The following IGF2BP3 variants were observed in gnomAD, a reference collection of about 807,000 sequenced individuals.
IGF2BP3 encodes insulin-like growth factor 2 mRNA-binding protein 3.
In IGF2BP3, 9 loss-of-function variants were observed where a neutral mutation model predicts 73.8. The ratio of observed to expected loss-of-function variants is 0.12; its 90% CI spans 0.07 to 0.21. The LOEUF (loss-of-function observed/expected upper bound fraction) is 0.21, where lower values mean the gene tolerates loss of function less well. IGF2BP3 is among the 10% of genes least tolerant of loss of function. IGF2BP3 has a pLI of 1.00. For missense variants in IGF2BP3, 542 were observed against 714.0 expected (o/e 0.76, Z 2.75); for synonymous variants, 258 against 256.7 (o/e 1.01, Z -0.05).
At chr7:23,347,556 G>A in intron 7 of IGF2BP3, 44 bp downstream of exon 7, 1 of 1,590,128 alleles carries the variant, frequency 6.3e-7, no homozygotes, top group East Asian at 2.2e-5. Flanking sequence ...AAATACAAGA[G>A]CACAAATATC....
chr7:23,355,715 T>C (rs1724991527), intron 5 of IGF2BP3, among the ~76,000 whole-genome samples: 1 of 152,160 alleles, frequency 6.6e-6, no homozygotes, highest in African/African-American at 2.4e-5. Context: ...GGTGGATCAC[T>C]TGAGGTCAGG....
Position 23,343,723 on chromosome 7 carries a change from T to G in IGF2BP3, c.1072A>C (p.Met358Leu), listed in dbSNP as rs769464943. ...RESYENDIASMNLQAHLIPGL... is the reference protein window; with the variant it reads ...RESYENDIASLNLQAHLIPGL... ...CCCTTCATAACAAAACTAACATTCA[T>G]AGAAGCAATATCATTTTCATAAGAC... Residue 358 changes from methionine to leucine, a missense_variant, in exon 9 of 15, where the codon ATG becomes CTG. Coordinates refer to ENST00000258729, the MANE Select transcript of IGF2BP3 (RefSeq NM_006547.3). The G allele has an allele frequency of 1.2e-6, 2 of 1,610,794 alleles. No individual in the cohort carries two copies. The highest frequency in any genetic ancestry group is 1.7e-6 in the Non-Finnish European group (2 of 1,178,996).
chr7:23,437,579 C>T (rs1317718334), intron 2 of IGF2BP3, among the ~76,000 whole-genome samples: 3 of 152,102 alleles, frequency 2.0e-5, no homozygotes, highest in Admixed American at 2.0e-4. Context: ...GACAATTCTG[C>T]ACAATTCATA....
At chr7:23,376,491 C>T (rs1173831045) in intron 3 of IGF2BP3, among the ~76,000 whole-genome samples, 3 of 142,194 alleles carry the variant, frequency 2.1e-5, no homozygotes, top group Non-Finnish European at 4.5e-5. Flanking sequence ...GCCAAGATCA[C>T]ACCACTGCAC....
chr7:23,409,939 T>C (rs1786965358), intron 3 of IGF2BP3, among the ~76,000 whole-genome samples: 1 of 152,094 alleles, frequency 6.6e-6, no homozygotes, highest in Non-Finnish European at 1.5e-5. Context: ...GAGGCCAAGA[T>C]GGGTTGATCA....
chr7:23,412,913 G>A (rs1353441356), intron 3 of IGF2BP3, among the ~76,000 whole-genome samples: 2 of 126,136 alleles, frequency 1.6e-5, no homozygotes, highest in Non-Finnish European at 3.1e-5. Context: ...AGGCTGGAGT[G>A]CAGTGGTGCG....
intron 2 of IGF2BP3, among the ~76,000 whole-genome samples, chr7:23,426,113 G>C (rs927557142): frequency 5.9e-5 from 9 of 152,062 alleles, no homozygotes; most frequent in Admixed American, 4.6e-4. Context: ...GATCACCTGA[G>C]GTCAGGAGTT....
intron 3 of IGF2BP3, among the ~76,000 whole-genome samples, chr7:23,388,736 CT>C (rs1387518089): frequency 7.3e-5 from 11 of 150,690 alleles, no homozygotes; most frequent in African/African-American, 2.7e-4. Flanking sequence ...CTTTCTGCAT[CT>C]GTTGAATCTC....
intron 13 of IGF2BP3, among the ~76,000 whole-genome samples, 155 bp from the exon 14 acceptor site, chr7:23,313,003 C>T (rs1049396178): frequency 4.6e-5 from 7 of 152,216 alleles, no homozygotes; most frequent in Non-Finnish European, 7.3e-5. Flanking sequence ...ATCCCCACTT[C>T]AAGATGATTA....
intron 2 of IGF2BP3, among the ~76,000 whole-genome samples, chr7:23,440,832 C>A (rs577216139): frequency 6.6e-6 from 1 of 152,300 alleles, no homozygotes; most frequent in African/African-American, 2.4e-5. Flanking sequence ...TATACATAAA[C>A]AAATTTAAGC....
chr7:23,337,283 G>A (rs1784597974), intron 10 of IGF2BP3, among the ~76,000 whole-genome samples: 1 of 152,140 alleles, frequency 6.6e-6, no homozygotes, highest in African/African-American at 2.4e-5. Context: ...TACTCTAATT[G>A]TATCCAGGGA....
In IGF2BP3 at chr7:23,467,134, T is replaced by C. The variant is rs142623870; in HGVS notation, c.236+1348A>G. Among the ~76,000 whole-genome samples, 139 of 152,286 alleles carry C rather than the reference T, an allele frequency of 9.1e-4. 1 individual carries two copies. The Middle Eastern group carries it at 0.014, about 15-fold the overall frequency. On this transcript the variant is annotated intron_variant, in intron 2 of 14. Coordinates refer to ENST00000258729, the MANE Select transcript of IGF2BP3 (RefSeq NM_006547.3). ...AAATTCCCAACTAGAACTAAATCTA[T>C]CAGGTCACTCAAATCCCTTTCAATT...
intron 3 of IGF2BP3, among the ~76,000 whole-genome samples, chr7:23,379,930 C>T (rs1224609020): frequency 6.6e-6 from 1 of 152,170 alleles, no homozygotes; most frequent in Non-Finnish European, 1.5e-5. Flanking sequence ...AAGTCTTACA[C>T]AGGTGCACTT....
At chr7:23,436,581 G>A (rs904110694) in intron 2 of IGF2BP3, among the ~76,000 whole-genome samples, 8 of 152,222 alleles carry the variant, frequency 5.3e-5, no homozygotes, top group Non-Finnish European at 1.2e-4. Context: ...GGGCTTGTTA[G>A]TACCCAGAAG....
At chr7:23,336,394 T>C (rs1784573840) in intron 10 of IGF2BP3, among the ~76,000 whole-genome samples, 1 of 152,074 alleles carries the variant, frequency 6.6e-6, no homozygotes, top group South Asian at 2.1e-4. Flanking sequence ...TCAGGAACAG[T>C]TTAAAAGTGC....
chr7:23,450,671 C>G (rs970238297), intron 2 of IGF2BP3: 1 of 152,154 alleles, frequency 6.6e-6, no homozygotes, highest in Non-Finnish European at 1.5e-5. Context: ...TGTTACAGCT[C>G]TTTTAGAATT....
chr7:23,317,145 G>A (rs1205747531), intron 12 of IGF2BP3, among the ~76,000 whole-genome samples: 2 of 152,136 alleles, frequency 1.3e-5, no homozygotes, highest in South Asian at 2.1e-4. Flanking sequence ...ACGTGCAATG[G>A]TTCATACCAG....
intron 3 of IGF2BP3, among the ~76,000 whole-genome samples, chr7:23,381,821 G>A (rs556367912): frequency 3.2e-4 from 48 of 152,186 alleles, no homozygotes; most frequent in African/African-American, 1.0e-3. Context: ...CACCCACCTC[G>A]GTCGGCCTCC....
At chr7:23,410,903 T>C (rs1368894813) in intron 3 of IGF2BP3, among the ~76,000 whole-genome samples, 1 of 152,194 alleles carries the variant, frequency 6.6e-6, no homozygotes, top group Non-Finnish European at 1.5e-5. Flanking sequence ...ACTTCACCTC[T>C]CTGTACCACC....
Sources: allele counts gnomAD v4.1 joint callset (sites outside exome capture counted in the v4.1 genomes callset), GRCh38; gene constraint gnomAD v4.1.1; transcripts MANE v1.5; gene names NCBI Gene and HGNC (gene_info 2026-07-23, HGNC 2026-07-21).